The following CFAP206 variants were observed in gnomAD, a reference collection of about 807,000 sequenced individuals.
CFAP206 encodes the protein cilia and flagella associated protein 206, also known as cilia- and flagella-associated protein 206.
A neutral mutation model predicts 65.4 loss-of-function variants in CFAP206; 53 were observed. That is an observed-to-expected ratio of 0.81 (90% CI 0.65 to 1.02). The LOEUF (loss-of-function observed/expected upper bound fraction) is 1.02. Among genes scored for constraint, CFAP206 ranks in the 50% least tolerant of loss-of-function variants. The probability of loss-of-function intolerance (pLI) is 0.00; values close to 1 mark genes in which losing one functional copy is unlikely to be tolerated. For synonymous variants in CFAP206, 250 were observed against 254.4 expected, an observed-to-expected ratio of 0.98 and a Z score of 0.17; for missense variants, 663 against 753.2, an observed-to-expected ratio of 0.88 and a Z score of 1.40.
chr6:87,442,502 T>C (rs1370247590), intron 11 of CFAP206, among the ~76,000 whole-genome samples: 9 of 152,172 alleles, frequency 5.9e-5, no homozygotes, highest in Non-Finnish European at 1.2e-4. Context: ...TCTTACTACA[T>C]TGACAAGCAA....
At chr6:87,438,069 G>T (rs1290409143) in intron 11 of CFAP206, among the ~76,000 whole-genome samples, 1 of 152,018 alleles carries the variant, frequency 6.6e-6, no homozygotes, top group African/African-American at 2.4e-5. Context: ...GCACTGCAAT[G>T]GGAATACACT....
chr6:87,455,169 A>C (rs911089643), intron 11 of CFAP206, among the ~76,000 whole-genome samples: 25 of 152,132 alleles, frequency 1.6e-4, no homozygotes, highest in African/African-American at 6.0e-4. Flanking sequence ...TGATCCACCC[A>C]CTTCGGCCTC....
intron 7 of CFAP206, among the ~76,000 whole-genome samples, chr6:87,423,767 TATA>T (rs1767989969): frequency 1.3e-5 from 2 of 152,246 alleles, no homozygotes; most frequent in African/African-American, 4.8e-5. Flanking sequence ...ACCTATTTGA[TATA>T]ATAGATAATA....
At chr6:87,420,927 T>G in intron 7 of CFAP206, among the ~76,000 whole-genome samples, 1 of 152,216 alleles carries the variant, frequency 6.6e-6, no homozygotes, top group Non-Finnish European at 1.5e-5. Flanking sequence ...TTTTGTTTTG[T>G]TTTGTTTTTA....
chr6:87,435,389 CAG>C, intron 11 of CFAP206: 1 of 176,058 alleles, frequency 5.7e-6, no homozygotes, highest in Admixed American at 5.7e-5. Flanking sequence ...AACTTATACT[CAG>C]AGCTGCAAAA....
At chr6:87,427,090 T>G (rs1224035612) in intron 8 of CFAP206, among the ~76,000 whole-genome samples, 1 of 152,212 alleles carries the variant, frequency 6.6e-6, no homozygotes, top group East Asian at 1.9e-4. Context: ...CTGGCAAACC[T>G]TATCTGGATA....
At chr6:87,423,287 C>A (rs916755368) in intron 7 of CFAP206, among the ~76,000 whole-genome samples, 1 of 148,350 alleles carries the variant, frequency 6.7e-6, no homozygotes, top group African/African-American at 2.5e-5. Flanking sequence ...CTCGCTCTGT[C>A]GCCCAGGCTG....
At chr6:87,431,798 T>C (rs1350519466) in intron 10 of CFAP206, among the ~76,000 whole-genome samples, 1 of 152,186 alleles carries the variant, frequency 6.6e-6, no homozygotes, top group Non-Finnish European at 1.5e-5. Context: ...ACAACATTAC[T>C]AAAAATATAT....
At chr6:87,408,126 G>T (rs1354807555) in intron 1 of CFAP206, 37 bp downstream of exon 1, 3 of 964,008 alleles carry the variant, frequency 3.1e-6, no homozygotes, top group African/African-American at 3.5e-5. Context: ...TTGACCCGGA[G>T]GCGTACCCCG....
chr6:87,454,855 A>AC (rs1554163374), intron 11 of CFAP206, among the ~76,000 whole-genome samples: 59 of 150,474 alleles, frequency 3.9e-4, no homozygotes, highest in African/African-American at 1.3e-3. Context: ...AAAAAAAAAA[A>AC]AAAACAAAAC....
At chr6:87,434,614 C>T (rs971799257) in intron 10 of CFAP206, among the ~76,000 whole-genome samples, 9 of 151,736 alleles carry the variant, frequency 5.9e-5, no homozygotes, top group Admixed American at 5.3e-4. Flanking sequence ...TCTCCTACCT[C>T]AGCCCCCTGA....
In CFAP206 at chr6:87,461,058, A is replaced by C; in HGVS notation, c.1531A>C (p.Thr511Pro). ...TGACAAACATTATATAAAACCAATT[A>C]CAAAATGTGAAAGTAGCACACAGAC... ...DADKHYIKPITKCESSTQTNT... is the reference protein window; with the variant it reads ...DADKHYIKPIPKCESSTQTNT... Residue 511 changes from threonine to proline, a missense_variant, in exon 12 of 13, where the codon ACA (threonine) becomes CCA (proline). Thr to Pro is a conservative substitution (Grantham distance 38, BLOSUM62 -1). Transcript: ENST00000369562. 6.3e-7 allele frequency: 1 copy of C among 1,589,690 alleles called. No homozygotes were observed. Among genetic ancestry groups the C allele is most frequent in the Non-Finnish European group, 8.5e-7 (1 of 1,171,696 alleles).
intron 6 of CFAP206, among the ~76,000 whole-genome samples, chr6:87,417,434 AT>A (rs1260436561): frequency 2.0e-5 from 3 of 151,872 alleles, no homozygotes; most frequent in Non-Finnish European, 4.4e-5. Flanking sequence ...TAAAAGGGTA[AT>A]TTTTTCTATT....
chr6:87,414,304 A>G (rs1267740313), intron 4 of CFAP206, among the ~76,000 whole-genome samples: 1 of 152,160 alleles, frequency 6.6e-6, no homozygotes, highest in Non-Finnish European at 1.5e-5. Flanking sequence ...TTCAATATGT[A>G]AATTTTTTTT....
chr6:87,418,353 A>AT lies in CFAP206; in HGVS notation c.778dup (p.Tyr260LeufsTer9). On this transcript the variant is annotated frameshift_variant, in exon 7 of 13. Coordinates refer to ENST00000369562, the MANE Select transcript of CFAP206 (RefSeq NM_001031743.3). LOFTEE classifies it high-confidence loss of function. ...CACTCATGAGGGCTGAACTTCAGCC[A>AT]TATATGTTAAAAGAAGCGCTATATA... 6.2e-7 allele frequency: 1 copy of AT among 1,614,186 alleles called. No homozygotes were observed. Among genetic ancestry groups the AT allele is most frequent in the Non-Finnish European group, 8.5e-7 (1 of 1,180,028 alleles).
At chr6:87,463,932 A>G (rs1406756897) in intron 12 of CFAP206, 88 bp from the exon 13 acceptor site, 1 of 980,782 alleles carries the variant, frequency 1.0e-6, no homozygotes, top group Non-Finnish European at 1.5e-6. Flanking sequence ...GAAGACAAAA[A>G]TAGGCAGATA....
chr6:87,450,248 G>A (rs560973952), intron 11 of CFAP206, among the ~76,000 whole-genome samples: 4 of 152,270 alleles, frequency 2.6e-5, no homozygotes, highest in Admixed American at 1.3e-4. Flanking sequence ...GTCAGGTAGT[G>A]TGATGCCTCC....
intron 7 of CFAP206, among the ~76,000 whole-genome samples, chr6:87,423,019 C>T (rs558501581): frequency 6.6e-6 from 1 of 151,428 alleles, no homozygotes; most frequent in Non-Finnish European, 1.5e-5. Flanking sequence ...AGGGTTCAAG[C>T]GATTCTTCTA....
chr6:87,429,000 G>C (rs1032697699), intron 9 of CFAP206, among the ~76,000 whole-genome samples, 176 bp downstream of exon 9: 23 of 152,196 alleles, frequency 1.5e-4, no homozygotes, highest in Non-Finnish European at 2.8e-4. Context: ...CAGCACTTTG[G>C]GGGGCCGAGG....
Sources: gnomAD v4.1 joint callset for allele counts (sites outside exome capture counted in the v4.1 genomes callset) on GRCh38, gnomAD v4.1.1 for gene constraint, MANE v1.5 for transcripts, NCBI Gene and HGNC (gene_info 2026-07-23, HGNC 2026-07-21) for gene names.